Variants in AP5M1 observed in about 807,000 individuals in gnomAD.
AP5M1 encodes AP-5 complex subunit mu-1.
Under a neutral mutation model 52.3 loss-of-function variants are expected in AP5M1, and 44 were observed. The ratio of observed to expected loss-of-function variants is 0.84; its 90% confidence interval spans 0.66 to 1.08. The LOEUF is 1.08. Among genes scored for constraint, AP5M1 ranks in the 50% least tolerant of loss-of-function variants. The pLI, the probability that AP5M1 is intolerant of heterozygous loss-of-function variation, is 0.00. For missense variants in AP5M1, 526 were observed against 568.4 expected (o/e 0.93, Z 0.76); for synonymous variants, 213 against 199.0 (o/e 1.07, Z -0.59).
intron 2 of AP5M1, among the ~76,000 whole-genome samples, chr14:57,279,230 G>A (rs892233410): frequency 2.0e-5 from 3 of 152,040 alleles, no homozygotes; most frequent in African/African-American, 4.8e-5. Flanking sequence ...ACATACACAC[G>A]TATGTTCATT....
chr14:57,276,089 C>T (rs942126977), intron 2 of AP5M1, among the ~76,000 whole-genome samples: 1 of 151,288 alleles, frequency 6.6e-6, no homozygotes. Context: ...TCCTGTTTAA[C>T]GTTAAAGTTA....
chr14:57,294,242 A>T lies in AP5M1; in HGVS notation c.*5358A>T, dbSNP rs1566523101. On this transcript the variant is annotated 3_prime_UTR_variant, in exon 8 of 8. Coordinates refer to ENST00000261558, the MANE Select transcript of AP5M1 (RefSeq NM_018229.4). ...CTCCACACTAAAAACCACCTGCTGA[A>T]TTTTTTTTCCAGTAGGATGTGAAAT... is the stretch of plus-strand genomic sequence containing the variant. The T allele has an allele frequency of 1.3e-5, 2 of 151,662 alleles. No individual in the cohort carries two copies. The highest frequency in any genetic ancestry group is 1.9e-4 in the East Asian group (1 of 5,178). The allele number at this position is 151,662 out of a possible 1,614,324, so 9.4% of individuals were successfully genotyped here.
Position 57,291,232 on chromosome 14 carries a change from A to G in AP5M1, c.*2348A>G, listed in dbSNP as rs542417348. ...ATGCTTTGCGTTTGCAGTGAATATG[A>G]GCAACTACTTCCAGTGAAAGATTTG... On this transcript the variant is annotated 3_prime_UTR_variant, in exon 8 of 8. Coordinates refer to ENST00000261558, the MANE Select transcript of AP5M1 (RefSeq NM_018229.4). 6.6e-6 allele frequency: 1 copy of G among 152,066 alleles called. No homozygotes were observed. The highest frequency in any genetic ancestry group is 2.1e-4 in the South Asian group (1 of 4,830). 9.4% of individuals were successfully genotyped at this position (152,066 alleles called of 1,614,324 possible). A position where few individuals can be genotyped will look rare whatever the true frequency, so the allele number is the denominator to read the frequency against.
At position 57,289,445 on chromosome 14, in the gene AP5M1, AGT is replaced by A. The variant is rs1294821182; in HGVS notation, c.*564_*565del. On this transcript the variant is annotated 3_prime_UTR_variant, in exon 8 of 8. Coordinates refer to ENST00000261558, the MANE Select transcript of AP5M1 (RefSeq NM_018229.4). ...AAACAGCCAACAGAGACAAAGGAAA[AGT>A]GTTTAAATAGTAAGCTGTTCTTCTT... 2.0e-5 allele frequency: 3 copies of A among 152,118 alleles called. No homozygotes were observed. Among genetic ancestry groups the A allele is most frequent in the African/African-American group, 7.2e-5 (3 of 41,432 alleles). 9.4% of individuals were successfully genotyped at this position (152,118 alleles called of 1,614,324 possible). A position where few individuals can be genotyped will look rare whatever the true frequency, so the allele number is the denominator to read the frequency against.
intron 7 of AP5M1, 74 bp from the exon 8 acceptor site, chr14:57,288,727 CA>C (rs1885367793): frequency 1.1e-6 from 1 of 897,736 alleles, no homozygotes; most frequent in African/African-American, 1.7e-5. Context: ...TCCACAATTT[CA>C]AAAATCATGA....
At chr14:57,273,569 G>A (rs1184980093) in intron 1 of AP5M1, 1 of 529,418 alleles carries the variant, frequency 1.9e-6, no homozygotes, top group Non-Finnish European at 3.4e-6. Flanking sequence ...GCAAAGAAAA[G>A]ATAAATTAGT....
At chr14:57,283,379 A>AT (rs1185885215) in intron 6 of AP5M1, 149 bp downstream of exon 6, 14 of 578,188 alleles carry the variant, frequency 2.4e-5, no homozygotes, top group Admixed American at 3.3e-5. Context: ...TTTTTGTTTG[A>AT]TTTTTTGTTG....
intron 1 of AP5M1, chr14:57,273,591 G>T (rs973037683): frequency 5.2e-6 from 3 of 579,154 alleles, no homozygotes; most frequent in Non-Finnish European, 9.3e-6. Context: ...ACTGCTTACA[G>T]TTCAACTCAG....
At position 57,291,343 on chromosome 14, in the gene AP5M1, A is replaced by G. The variant is rs1000385233; in HGVS notation, c.*2459A>G. On this transcript the variant is annotated 3_prime_UTR_variant, in exon 8 of 8. Coordinates refer to ENST00000261558, the MANE Select transcript of AP5M1 (RefSeq NM_018229.4). The stretch of plus-strand genomic sequence containing the variant: ...GATTATGAAATCTGATGTCTATCAC[A>G]TAGGTAATTATTCTTCAATAAACTC... 2.0e-5 allele frequency: 3 copies of G among 151,826 alleles called. No individual in the cohort carries two copies. In the East Asian group the frequency reaches 5.8e-4, roughly 29 times the overall value. The allele number at this position is 151,826 out of a possible 1,614,324, so 9.4% of individuals were successfully genotyped here.
chr14:57,285,869 C>T (rs919903554), intron 6 of AP5M1, among the ~76,000 whole-genome samples: 2 of 152,078 alleles, frequency 1.3e-5, no homozygotes, highest in Admixed American at 6.6e-5. Flanking sequence ...AGTTCAAATG[C>T]CAGCTCTGCT....
rs754906950 is a variant in AP5M1 at position 57,282,209 on chromosome 14, C to A, written c.1069C>A (p.His357Asn). ...VKNNFEFCEA[H>N]IPFYNRGPIT... ...AAATAATTTTGAATTCTGTGAAGCC[C>A]ATATACCTTTTTACAATAGGTAGGA... is the stretch of plus-strand genomic sequence containing the variant. Residue 357 changes from histidine (H) to asparagine (N), a missense_variant, in exon 4 of 8, where the codon CAT (histidine) becomes AAT (asparagine). Transcript: ENST00000261558. 2 of 1,548,516 alleles carry A rather than the reference C, an allele frequency of 1.3e-6. No individual in the cohort carries two copies. Among genetic ancestry groups the A allele is most frequent in the South Asian group, 1.3e-5 (1 of 77,984 alleles).
At chr14:57,275,451 GAGAAGAGAGAA>G (rs1375044501) in intron 2 of AP5M1, 1 of 151,782 alleles carries the variant, frequency 6.6e-6, no homozygotes, top group Admixed American at 6.6e-5. Context: ...AGAGAAGAGA[GAGAAGAGAGAA>G]GAGAAAAGAG....
intron 7 of AP5M1, 64 bp downstream of exon 7, chr14:57,286,383 G>T: frequency 9.6e-7 from 1 of 1,043,220 alleles, no homozygotes; most frequent in Non-Finnish European, 1.5e-6. Context: ...TATTACCTAA[G>T]GTAAAATTTG....
In AP5M1 at chr14:57,298,274, A is replaced by C. The variant is rs1885592242; in HGVS notation, c.*9390A>C. ...TTCAGCGGTCCCCGTATACTAATGA[A>C]ATGGAGTCGCCAGTATCCAAAAGTT... On this transcript the variant is annotated 3_prime_UTR_variant, in exon 8 of 8. Coordinates refer to ENST00000261558, the MANE Select transcript of AP5M1 (RefSeq NM_018229.4). 6.6e-6 allele frequency: 1 copy of C among 152,182 alleles called. No individual in the cohort carries two copies. The highest frequency in any genetic ancestry group is 1.5e-5 in the Non-Finnish European group (1 of 68,038). The allele number at this position is 152,182 out of a possible 1,614,324, so 9.4% of individuals were successfully genotyped here. A position where few individuals can be genotyped will look rare whatever the true frequency, so the allele number is the denominator to read the frequency against.
chr14:57,270,423 C>G (rs1884860701), intron 1 of AP5M1, among the ~76,000 whole-genome samples: 1 of 151,968 alleles, frequency 6.6e-6, no homozygotes, highest in South Asian at 2.1e-4. Flanking sequence ...TGAAGTAGTA[C>G]CATAGTAGAA....
rs747003465 is a variant in AP5M1, at chr14:57,273,687, A to G, written c.75-557A>G. ...ATAGAGATAAACCATTATTACTAAA[A>G]TGATCTTCCATGTTTTTGTAGGGAT... On this transcript the variant is annotated intron_variant, in intron 1 of 7. Coordinates refer to ENST00000261558, the MANE Select transcript of AP5M1 (RefSeq NM_018229.4). The G allele has an allele frequency of 2.6e-5, 18 of 701,792 alleles. No individual in the cohort carries two copies. The East Asian group carries it at 4.8e-4, about 19-fold the overall frequency. 43.5% of individuals were successfully genotyped at this position (701,792 alleles called of 1,614,324 possible).
At chr14:57,286,082 C>G in intron 6 of AP5M1, 141 bp from the exon 7 acceptor site, 2 of 619,596 alleles carry the variant, frequency 3.2e-6, no homozygotes, top group Non-Finnish European at 5.7e-6. Flanking sequence ...CGCACACACA[C>G]AATTCAAGTT....
At chr14:57,286,166 AC>A (rs764075165) in intron 6 of AP5M1, 56 bp from the exon 7 acceptor site, 49 of 1,189,184 alleles carry the variant, frequency 4.1e-5, no homozygotes, top group Non-Finnish European at 5.9e-5. Flanking sequence ...AAAAAATGTA[AC>A]CATGCTTTTT....
In AP5M1 at chr14:57,296,202, G is replaced by C. The variant is rs1885549863; in HGVS notation, c.*7318G>C. ...TTAAAATGTTTTACTTGGTCTCTTAGTGTTACTGAATACAAGTTTAGTATT... is the reference window on the plus strand; with the variant it reads ...TTAAAATGTTTTACTTGGTCTCTTACTGTTACTGAATACAAGTTTAGTATT... On this transcript the variant is annotated 3_prime_UTR_variant, in exon 8 of 8. Coordinates refer to ENST00000261558, the MANE Select transcript of AP5M1 (RefSeq NM_018229.4). 6.6e-6 allele frequency: 1 copy of C among 151,930 alleles called. No homozygotes were observed. The highest frequency in any genetic ancestry group is 6.6e-5 in the Admixed American group (1 of 15,208). 9.4% of individuals were successfully genotyped at this position (151,930 alleles called of 1,614,324 possible).
Sources: gnomAD v4.1 joint callset for allele counts (sites outside exome capture counted in the v4.1 genomes callset) on GRCh38, gnomAD v4.1.1 for gene constraint, MANE v1.5 for transcripts, NCBI Gene and HGNC (gene_info 2026-07-23, HGNC 2026-07-21) for gene names.